VRK3: variants seen among roughly 807,000 people sequenced by gnomAD.
The protein encoded by VRK3 is serine/threonine-protein kinase VRK3.
VRK3 carries 50 observed loss-of-function variants against 60.4 expected under a neutral mutation model. That is an observed-to-expected ratio of 0.83 (90% CI 0.66 to 1.05). VRK3 has a LOEUF of 1.05. Among genes scored for constraint, VRK3 ranks in the 50% least tolerant of loss-of-function variants. The pLI is 0.00. For synonymous variants in VRK3, 246 were observed against 227.8 expected (o/e 1.08, Z -0.72); for missense variants, 549 against 585.3 (o/e 0.94, Z 0.64).
chr19:49,991,159 A>G (rs1017140842), intron 10 of VRK3, among the ~76,000 whole-genome samples: 1 of 152,248 alleles, frequency 6.6e-6, no homozygotes, highest in African/African-American at 2.4e-5. Flanking sequence ...GCCAAACCCT[A>G]TTCTGGGAGT....
intron 9 of VRK3, 76 bp downstream of exon 9, chr19:49,994,738 T>G: frequency 7.4e-7 from 1 of 1,354,304 alleles, no homozygotes; most frequent in South Asian, 1.3e-5. Flanking sequence ...GAAGTGTCAA[T>G]GACTAAAGTG....
Position 49,980,438 on chromosome 19 carries a change from G to A in VRK3, c.1276+517C>T, listed in dbSNP as rs527422166. Among the ~76,000 whole-genome samples the A allele has an allele frequency of 8.5e-5, 13 of 152,052 alleles. No individual in the cohort carries two copies. The South Asian group carries it at 2.5e-3, about 29-fold the overall frequency. On this transcript the variant is annotated intron_variant, in intron 13 of 14. Coordinates refer to ENST00000316763, the MANE Select transcript of VRK3 (RefSeq NM_016440.4). Reference sequence around the variant, plus strand: ...TTATTTTTTGTTCATAAAAATGGCCGGGCATGGTGGCTCTTGCCTGTAATC... The same window carrying A: ...TTATTTTTTGTTCATAAAAATGGCCAGGCATGGTGGCTCTTGCCTGTAATC...
chr19:49,981,782 GCA>G (rs1287518053), intron 12 of VRK3: 5 of 1,044,202 alleles, frequency 4.8e-6, no homozygotes, highest in East Asian at 1.6e-4. Context: ...CCCGTCCCAA[GCA>G]CACACACAGA....
intron 12 of VRK3, among the ~76,000 whole-genome samples, chr19:49,981,363 C>A (rs1350238692): frequency 6.6e-6 from 1 of 152,074 alleles, no homozygotes; most frequent in South Asian, 2.1e-4. Context: ...CTGGCTAACA[C>A]GGTGAAACTG....
intron 5 of VRK3, among the ~76,000 whole-genome samples, chr19:50,001,669 C>T (rs1030636888): frequency 1.3e-5 from 2 of 152,210 alleles, no homozygotes; most frequent in South Asian, 4.1e-4. Context: ...ACAGACCTCA[C>T]CACGTCTCTG....
intron 1 of VRK3, among the ~76,000 whole-genome samples, chr19:50,022,779 G>A (rs1240413664): frequency 6.6e-6 from 1 of 152,140 alleles, no homozygotes; most frequent in East Asian, 1.9e-4. Context: ...GGGCAACAGA[G>A]CAAGACTCAG....
intron 5 of VRK3, among the ~76,000 whole-genome samples, chr19:50,005,584 C>T (rs2076877216): frequency 6.7e-6 from 1 of 149,850 alleles, no homozygotes; most frequent in Admixed American, 6.6e-5. Context: ...ATATTCATGG[C>T]AGCGTTACTC....
chr19:49,982,858 G>A (rs1289700507), intron 12 of VRK3, among the ~76,000 whole-genome samples: 2 of 152,012 alleles, frequency 1.3e-5, no homozygotes, highest in Admixed American at 1.3e-4. Flanking sequence ...CATCCTCCAG[G>A]CCCAGCCCCT....
chr19:50,004,464 G>C (rs2076860970), intron 5 of VRK3, among the ~76,000 whole-genome samples: 1 of 152,126 alleles, frequency 6.6e-6, no homozygotes. Context: ...GGAGAAGCCA[G>C]AGTGCCTGCG....
At chr19:49,980,351 A>G (rs901250439) in intron 13 of VRK3, among the ~76,000 whole-genome samples, 1 of 152,210 alleles carries the variant, frequency 6.6e-6, no homozygotes, top group Admixed American at 6.5e-5. Flanking sequence ...AAGGGCATGA[A>G]GGATGGCCCC....
In VRK3 at chr19:49,991,506, A is replaced by G. The variant is rs1355958646; in HGVS notation, c.963+1354T>C. Among the ~76,000 whole-genome samples the G allele has an allele frequency of 2.7e-5, 4 of 147,996 alleles. No homozygotes were observed. In the East Asian group the frequency reaches 7.7e-4, roughly 29 times the overall value. On this transcript the variant is annotated intron_variant, in intron 10 of 14. Transcript: ENST00000316763. ...TCCATTATCAATAAGCCAATTCCTTATAATAAATCTCTACACACACACACA... is the reference window on the plus strand; with the variant it reads ...TCCATTATCAATAAGCCAATTCCTTGTAATAAATCTCTACACACACACACA...
intron 12 of VRK3, chr19:49,982,171 A>C: frequency 1.4e-6 from 1 of 702,984 alleles, no homozygotes; most frequent in Non-Finnish European, 2.6e-6. Flanking sequence ...CTTACATTAA[A>C]ATGAATCCCA....
chr19:49,988,167 T>G, intron 12 of VRK3: 2 of 612,054 alleles, frequency 3.3e-6, no homozygotes, highest in Non-Finnish European at 2.5e-6. Flanking sequence ...GGTGCCAGAG[T>G]CTGAGCCCAG....
chr19:50,006,237 G>A (rs1431291011), intron 5 of VRK3, among the ~76,000 whole-genome samples: 1 of 151,616 alleles, frequency 6.6e-6, no homozygotes. Flanking sequence ...TTGAACCTAG[G>A]AGGTGGAGGT....
At chr19:49,988,800 A>T (rs1202405180) in intron 11 of VRK3, among the ~76,000 whole-genome samples, 1 of 152,126 alleles carries the variant, frequency 6.6e-6, no homozygotes, top group African/African-American at 2.4e-5. Context: ...TCACTTCTGA[A>T]AACCCAGACC....
At chr19:49,982,940 G>A (rs911855143) in intron 12 of VRK3, among the ~76,000 whole-genome samples, 3 of 151,786 alleles carry the variant, frequency 2.0e-5, no homozygotes, top group South Asian at 2.1e-4. Context: ...CCCTGCCTTC[G>A]CCATCCCCCA....
chr19:50,021,975 A>T (rs2077177885), intron 1 of VRK3, among the ~76,000 whole-genome samples: 1 of 151,986 alleles, frequency 6.6e-6, no homozygotes, highest in Non-Finnish European at 1.5e-5. Context: ...CAAACCTCTT[A>T]AGCGGCGAGC....
chr19:50,024,850 G>A (rs1600739912), intron 1 of VRK3: 2 of 152,344 alleles, frequency 1.3e-5, no homozygotes, highest in Non-Finnish European at 1.5e-5. Flanking sequence ...GTCAACTACT[G>A]TATAGTGTTC....
intron 11 of VRK3, among the ~76,000 whole-genome samples, chr19:49,989,087 G>A (rs75463146): frequency 0.049 from 7,448 of 152,238 alleles, 223 homozygotes; most frequent in Middle Eastern, 0.11. Context: ...TGGAGGCAGG[G>A]GTGCCATCCC....
Sources: gnomAD v4.1 joint callset for allele counts (sites outside exome capture counted in the v4.1 genomes callset) on GRCh38, gnomAD v4.1.1 for gene constraint, MANE v1.5 for transcripts, NCBI Gene and HGNC (gene_info 2026-07-23, HGNC 2026-07-21) for gene names.